The following TMEM232 variants were observed in gnomAD, a reference collection of about 807,000 sequenced individuals.
The protein encoded by TMEM232 is transmembrane protein 232.
TMEM232 carries 80 observed loss-of-function variants against 78.8 expected under a neutral mutation model. That is an observed-to-expected ratio of 1.01 (90% CI 0.85 to 1.22). The LOEUF is 1.22. Among genes scored for constraint, TMEM232 ranks in the 50% most tolerant of loss-of-function variants. The pLI, the probability that TMEM232 is intolerant of heterozygous loss-of-function variation, is 0.00. For synonymous variants in TMEM232, 297 were observed against 254.3 expected (o/e 1.17, Z -1.60); for missense variants, 881 against 742.2 (o/e 1.19, Z -2.17).
chr5:110,650,277 C>A (rs1788122518), intron 2 of TMEM232, among the ~76,000 whole-genome samples: 1 of 152,004 alleles, frequency 6.6e-6, no homozygotes, highest in Admixed American at 6.6e-5. Flanking sequence ...AAACAGAAAT[C>A]TAAATTTTCT....
At chr5:110,479,628 G>A (rs7736077) in intron 12 of TMEM232, among the ~76,000 whole-genome samples, 1 of 151,646 alleles carries the variant, frequency 6.6e-6, no homozygotes, top group Non-Finnish European at 1.5e-5. Context: ...TTTTATTAAT[G>A]AATTTACCAC....
intron 1 of TMEM232, among the ~76,000 whole-genome samples, chr5:110,737,682 CTCA>C (rs1201896500): frequency 6.6e-6 from 1 of 152,072 alleles, no homozygotes; most frequent in Non-Finnish European, 1.5e-5. Flanking sequence ...ATGTCCTTTG[CTCA>C]TATTTCTGAT....
At chr5:110,575,958 C>CA (rs1777528838) in intron 10 of TMEM232, among the ~76,000 whole-genome samples, 1 of 151,698 alleles carries the variant, frequency 6.6e-6, no homozygotes, top group Non-Finnish European at 1.5e-5. Flanking sequence ...ACAACTCCAG[C>CA]AAAAAAGGAG....
intron 12 of TMEM232, among the ~76,000 whole-genome samples, chr5:110,524,371 G>GAAAA (rs1170767919): frequency 4.2e-5 from 2 of 47,134 alleles, no homozygotes; most frequent in African/African-American, 1.3e-4. Flanking sequence ...AAAAAAGAAA[G>GAAAA]AAAGAAAGAA....
intron 10 of TMEM232, among the ~76,000 whole-genome samples, chr5:110,601,673 A>C (rs1292063331): frequency 6.6e-6 from 1 of 152,214 alleles, no homozygotes; most frequent in Admixed American, 6.5e-5. Flanking sequence ...AAAACATTCC[A>C]TGCTCAGGGA....
Position 110,723,122 on chromosome 5 carries a change from G to A in TMEM232, c.-13+3505C>T, listed in dbSNP as rs77036523. On this transcript the variant is annotated intron_variant, in intron 1 of 13. Transcript: ENST00000455884. ...CTTAAATGTTTGGTAAAATTCACCAGTGAACCTATCTGGGCCTGGTACTTT... is the reference window on the plus strand; with the variant it reads ...CTTAAATGTTTGGTAAAATTCACCAATGAACCTATCTGGGCCTGGTACTTT... Among the ~76,000 whole-genome samples, 51 of 152,256 alleles carry A rather than the reference G, an allele frequency of 3.3e-4. 1 individual carries two copies. The East Asian group carries it at 6.4e-3, about 19-fold the overall frequency.
Position 110,428,820 on chromosome 5 carries a change from A to T in TMEM232, c.1704-3904T>A, listed in dbSNP as rs117602263. ...ACTTTAATCACATCTACAAAAACTC[A>T]CTCTCTCTCCAAAGAAGGTCATATT... is the stretch of plus-strand genomic sequence containing the variant. On this transcript the variant is annotated intron_variant, in intron 12 of 13. Transcript: ENST00000455884. 9.3e-5 allele frequency among the ~76,000 whole-genome samples: 14 copies of T among 151,294 alleles called. No individual in the cohort carries two copies. The East Asian group carries it at 2.7e-3, about 29-fold the overall frequency.
At chr5:110,442,643 TGCTGAAGTCACA>T (rs1468338067) in intron 12 of TMEM232, among the ~76,000 whole-genome samples, 1 of 152,136 alleles carries the variant, frequency 6.6e-6, no homozygotes, top group Non-Finnish European at 1.5e-5. Flanking sequence ...TTAGTTTGTT[TGCTGAAGTCACA>T]GTTTCCTGGA....
intron 5 of TMEM232, among the ~76,000 whole-genome samples, chr5:110,632,012 C>T (rs1785194974): frequency 6.6e-6 from 1 of 151,962 alleles, no homozygotes; most frequent in Middle Eastern, 3.2e-3. Context: ...CATACTCATC[C>T]CACTGTTGCC....
intron 8 of TMEM232, chr5:110,618,034 G>A (rs1388563872): frequency 5.9e-6 from 1 of 169,672 alleles, no homozygotes; most frequent in East Asian, 1.8e-4. Flanking sequence ...ATTCATTTTT[G>A]TTATACATTA....
At chr5:110,588,006 T>C (rs1312951330) in intron 10 of TMEM232, among the ~76,000 whole-genome samples, 1 of 151,976 alleles carries the variant, frequency 6.6e-6, no homozygotes, top group Admixed American at 6.6e-5. Context: ...CACAACCTTA[T>C]TACTGAATAC....
At chr5:110,399,272 A>G (rs1214709294) in intron 2 of TMEM232, among the ~76,000 whole-genome samples, 1 of 152,138 alleles carries the variant, frequency 6.6e-6, no homozygotes, top group Non-Finnish European at 1.5e-5. Context: ...AGTAAGGTGT[A>G]AGGAGTTGAG....
intron 5 of TMEM232, among the ~76,000 whole-genome samples, chr5:110,630,671 C>T (rs1042231282): frequency 4.6e-5 from 7 of 152,136 alleles, no homozygotes; most frequent in African/African-American, 1.7e-4. Context: ...TCCTGTTAAG[C>T]CTGTGGAACT....
At chr5:110,645,763 G>T (rs1787397230) in intron 2 of TMEM232, among the ~76,000 whole-genome samples, 1 of 151,374 alleles carries the variant, frequency 6.6e-6, no homozygotes, top group African/African-American at 2.4e-5. Context: ...CATCCAAATT[G>T]GAAAAGAAGA....
chr5:110,531,742 G>A (rs1045637455), intron 11 of TMEM232, among the ~76,000 whole-genome samples: 38 of 152,060 alleles, frequency 2.5e-4, no homozygotes, highest in African/African-American at 8.2e-4. Flanking sequence ...ATCAGATAGC[G>A]TTTAGGCTCT....
chr5:110,717,219 G>A (rs137909506), intron 1 of TMEM232, among the ~76,000 whole-genome samples: 5 of 149,432 alleles, frequency 3.3e-5, no homozygotes, highest in South Asian at 2.1e-4. Flanking sequence ...TGTAACATCC[G>A]TGACAAAGAC....
chr5:110,568,679 G>A, intron 10 of TMEM232, 54 bp from the exon 11 acceptor site: 1 of 1,466,818 alleles, frequency 6.8e-7, no homozygotes. Context: ...CCTTGCTAAA[G>A]TATGATTGTG....
intron 10 of TMEM232, among the ~76,000 whole-genome samples, chr5:110,592,242 T>C (rs1039814577): frequency 6.6e-6 from 1 of 152,168 alleles, no homozygotes; most frequent in African/African-American, 2.4e-5. Context: ...AGAGGTGTTA[T>C]ATTCTCTGGT....
At position 110,465,305 on chromosome 5, in the gene TMEM232, A is replaced by G. The variant is rs368312099; in HGVS notation, c.1704-40389T>C. 6.6e-5 allele frequency among the ~76,000 whole-genome samples: 10 copies of G among 152,292 alleles called. 1 individual carries two copies. The East Asian group carries it at 7.7e-4, about 12-fold the overall frequency. Reference sequence around the variant, plus strand: ...TTGTCACTGGGAAGTTTACCTGACAAAACTGTCATGTTCAACTTCTTAAGC... The same window carrying G: ...TTGTCACTGGGAAGTTTACCTGACAGAACTGTCATGTTCAACTTCTTAAGC... On this transcript the variant is annotated intron_variant, in intron 12 of 13. Transcript: ENST00000455884.
Sources: gnomAD v4.1 joint callset for allele counts (sites outside exome capture counted in the v4.1 genomes callset) on GRCh38, gnomAD v4.1.1 for gene constraint, MANE v1.5 for transcripts, NCBI Gene and HGNC (gene_info 2026-07-23, HGNC 2026-07-21) for gene names.